PTPRT: variants seen among roughly 807,000 people sequenced by gnomAD.
PTPRT encodes the protein protein tyrosine phosphatase receptor type T, also known as receptor-type tyrosine-protein phosphatase T.
PTPRT carries 56 observed loss-of-function variants against 176.8 expected under a neutral mutation model. That is an observed-to-expected ratio of 0.32 (90% CI 0.26 to 0.40). The LOEUF is 0.40. PTPRT is among the 10% of genes least tolerant of loss of function. The pLI is 1.00. For missense variants in PTPRT, 1,540 were observed against 1,908.2 expected, an observed-to-expected ratio of 0.81 and a Z score of 3.60; for synonymous variants, 783 against 739.0, an observed-to-expected ratio of 1.06 and a Z score of -0.96.
chr20:42,327,684 T>C (rs1249880201), intron 11 of PTPRT, among the ~76,000 whole-genome samples: 1 of 152,138 alleles, frequency 6.6e-6, no homozygotes, highest in Non-Finnish European at 1.5e-5. Flanking sequence ...TGTCTCATTC[T>C]TGCAATATCC....
intron 2 of PTPRT, among the ~76,000 whole-genome samples, chr20:42,821,999 G>T (rs1262857962): frequency 6.6e-6 from 1 of 152,126 alleles, no homozygotes; most frequent in African/African-American, 2.4e-5. Context: ...GTAATTTACA[G>T]ATTCAACACT....
At chr20:42,760,578 G>A (rs377733576) in intron 5 of PTPRT, among the ~76,000 whole-genome samples, 11 of 152,074 alleles carry the variant, frequency 7.2e-5, no homozygotes, top group Admixed American at 2.0e-4. Flanking sequence ...TTATCTGAGC[G>A]TTTATCAAGT....
At chr20:42,410,979 A>G (rs923894329) in intron 9 of PTPRT, among the ~76,000 whole-genome samples, 1 of 152,216 alleles carries the variant, frequency 6.6e-6, no homozygotes, top group African/African-American at 2.4e-5. Context: ...AGAAAACAGA[A>G]AAGTTCTCAT....
chr20:43,097,447 C>T (rs551875207), intron 1 of PTPRT, among the ~76,000 whole-genome samples: 2 of 152,222 alleles, frequency 1.3e-5, no homozygotes, highest in Non-Finnish European at 2.9e-5. Flanking sequence ...GGCCACAGAA[C>T]ATTAATGAGC....
At chr20:42,742,201 C>T (rs933925646) in intron 6 of PTPRT, among the ~76,000 whole-genome samples, 1 of 152,188 alleles carries the variant, frequency 6.6e-6, no homozygotes, top group Admixed American at 6.5e-5. Flanking sequence ...TGCTTCTGAT[C>T]ACTGTTCAGC....
intron 7 of PTPRT, among the ~76,000 whole-genome samples, chr20:42,593,461 AT>A (rs1405516042): frequency 3.3e-5 from 5 of 152,184 alleles, no homozygotes; most frequent in Admixed American, 3.3e-4. Context: ...TGACCCAGGC[AT>A]GGAGGTTCTG....
intron 14 of PTPRT, among the ~76,000 whole-genome samples, chr20:42,244,576 G>A (rs2056415854): frequency 6.6e-6 from 1 of 152,130 alleles, no homozygotes; most frequent in African/African-American, 2.4e-5. Context: ...GTCCAGGGGT[G>A]CGGATCTTGT....
At chr20:42,264,643 C>G (rs1043619224) in intron 13 of PTPRT, among the ~76,000 whole-genome samples, 1 of 152,220 alleles carries the variant, frequency 6.6e-6, no homozygotes, top group Middle Eastern at 3.2e-3. Flanking sequence ...TCAAGGGGAA[C>G]TAGAGGATGC....
At chr20:42,479,734 T>G (rs912755648) in intron 7 of PTPRT, among the ~76,000 whole-genome samples, 1 of 152,158 alleles carries the variant, frequency 6.6e-6, no homozygotes, top group Admixed American at 6.5e-5. Flanking sequence ...TCAAAGGAAA[T>G]GCACATGGGA....
At chr20:43,039,902 G>A (rs1213843152) in intron 1 of PTPRT, among the ~76,000 whole-genome samples, 1 of 152,056 alleles carries the variant, frequency 6.6e-6, no homozygotes, top group South Asian at 2.1e-4. Flanking sequence ...TTAGCCAGCT[G>A]CAGTGGCATG....
intron 1 of PTPRT, among the ~76,000 whole-genome samples, chr20:42,978,817 C>T (rs948956168): frequency 6.6e-6 from 1 of 152,164 alleles, no homozygotes; most frequent in African/African-American, 2.4e-5. Context: ...GGAAGTTACC[C>T]TATATGGTCT....
At chr20:42,432,116 G>T (rs913279227) in intron 9 of PTPRT, among the ~76,000 whole-genome samples, 1 of 152,158 alleles carries the variant, frequency 6.6e-6, no homozygotes, top group Non-Finnish European at 1.5e-5. Flanking sequence ...AAACAGCTAT[G>T]AGAGAAGGGA....
chr20:42,223,423 G>A (rs1228283134), intron 15 of PTPRT, among the ~76,000 whole-genome samples: 1 of 152,168 alleles, frequency 6.6e-6, no homozygotes, highest in East Asian at 1.9e-4. Context: ...CCCAGTCCAT[G>A]CTCTTTTCGC....
intron 1 of PTPRT, among the ~76,000 whole-genome samples, chr20:42,993,534 A>ATG (rs1379375807): frequency 1.5e-5 from 2 of 136,888 alleles, no homozygotes; most frequent in Admixed American, 1.4e-4. Context: ...ATACACATAT[A>ATG]TGTGTGTGTA....
chr20:43,037,341 C>T (rs561923683), intron 1 of PTPRT, among the ~76,000 whole-genome samples: 18 of 152,316 alleles, frequency 1.2e-4, no homozygotes, highest in African/African-American at 4.1e-4. Context: ...ACATAAATAA[C>T]CGTTATTCTA....
At chr20:42,251,156 G>A (rs2056545566) in intron 13 of PTPRT, among the ~76,000 whole-genome samples, 1 of 152,196 alleles carries the variant, frequency 6.6e-6, no homozygotes, top group South Asian at 2.1e-4. Flanking sequence ...TTTTTATTTA[G>A]ATTTGGAGGA....
intron 6 of PTPRT, among the ~76,000 whole-genome samples, chr20:42,702,845 C>T (rs2075994784): frequency 6.6e-6 from 1 of 152,334 alleles, no homozygotes; most frequent in South Asian, 2.1e-4. Flanking sequence ...TTATACTTCC[C>T]TGAGCATCCC....
rs73273367 is a variant in PTPRT, at chr20:42,501,627, C to T, written c.1154-29065G>A. ...ATGTATGTCTATGCTGTTTTAGCAC[C>T]TCAGTGGCAGTGTTGAATAGTTGTG... On this transcript the variant is annotated intron_variant, in intron 7 of 30. Coordinates refer to ENST00000373187, the MANE Select transcript of PTPRT (RefSeq NM_007050.6). Among the ~76,000 whole-genome samples, 1,323 of 152,242 alleles carry T rather than the reference C, an allele frequency of 8.7e-3. 18 individuals carry two copies. The highest frequency in any genetic ancestry group is 0.031 in the African/African-American group (1,282 of 41,562).
intron 17 of PTPRT, among the ~76,000 whole-genome samples, chr20:42,150,174 T>G (rs1989061793): frequency 6.6e-6 from 1 of 152,188 alleles, no homozygotes. Context: ...GAGTTATGCC[T>G]AAAATAGTAA....
Sources: gnomAD v4.1 joint callset for allele counts (sites outside exome capture counted in the v4.1 genomes callset) on GRCh38, gnomAD v4.1.1 for gene constraint, MANE v1.5 for transcripts, NCBI Gene and HGNC (gene_info 2026-07-23, HGNC 2026-07-21) for gene names.